CDH20: variants seen among roughly 807,000 people sequenced by gnomAD.
CDH20 encodes cadherin-20.
Under a neutral mutation model 74.2 loss-of-function variants are expected in CDH20, and 29 were observed. The ratio of observed to expected loss-of-function variants is 0.39; its 90% CI spans 0.29 to 0.53. CDH20 has a LOEUF of 0.53. Ranked by LOEUF, CDH20 falls within the 20% of genes least tolerant of loss-of-function variation. The pLI is 0.69. For missense variants in CDH20, 988 were observed against 1,048.3 expected, an observed-to-expected ratio of 0.94 and a Z score of 0.79; for synonymous variants, 469 against 405.4, an observed-to-expected ratio of 1.16 and a Z score of -1.88.
In CDH20 at chr18:61,536,478, T is replaced by G; in HGVS notation, c.1272-15T>G. 1 of 1,612,618 alleles carries G rather than the reference T, an allele frequency of 6.2e-7. No individual in the cohort carries two copies. The highest frequency in any genetic ancestry group is 8.5e-7 in the Non-Finnish European group (1 of 1,178,776). Reference sequence around the variant, plus strand: ...ACCCAAATGCAAATGATGTACGTAATCCATGTTTCTGCAGATACTCCATTG... The same window carrying G: ...ACCCAAATGCAAATGATGTACGTAAGCCATGTTTCTGCAGATACTCCATTG... On this transcript the variant is annotated splice_polypyrimidine_tract_variant and intron_variant, in intron 7 of 11. Transcript: ENST00000262717.
chr18:61,476,668 T>C (rs978489001), intron 1 of CDH20, among the ~76,000 whole-genome samples: 2 of 152,152 alleles, frequency 1.3e-5, no homozygotes, highest in African/African-American at 4.8e-5. Flanking sequence ...GTCTAGTTGG[T>C]TACCTTGATA....
intron 1 of CDH20, among the ~76,000 whole-genome samples, chr18:61,379,192 G>C (rs1253009784): frequency 6.6e-6 from 1 of 152,178 alleles, no homozygotes; most frequent in African/African-American, 2.4e-5. Context: ...CCGCAGAAGA[G>C]TGGCTCTCTT....
intron 1 of CDH20, among the ~76,000 whole-genome samples, chr18:61,406,993 T>C (rs906029771): frequency 1.3e-5 from 2 of 152,192 alleles, no homozygotes; most frequent in African/African-American, 4.8e-5. Context: ...AAAAGACATC[T>C]CATCCTTTTA....
intron 5 of CDH20, among the ~76,000 whole-genome samples, chr18:61,504,636 G>A (rs1390877402): frequency 4.6e-5 from 7 of 152,124 alleles, no homozygotes; most frequent in African/African-American, 7.2e-5. Context: ...AGGAAGCAGC[G>A]GGAGAAATGA....
At chr18:61,538,812 G>A (rs1301730927) in intron 8 of CDH20, among the ~76,000 whole-genome samples, 2 of 151,460 alleles carry the variant, frequency 1.3e-5, no homozygotes, top group Non-Finnish European at 2.9e-5. Flanking sequence ...CAGAGATGGA[G>A]TTTCACTCCG....
chr18:61,460,149 C>T (rs956503251), intron 1 of CDH20, among the ~76,000 whole-genome samples: 1 of 152,020 alleles, frequency 6.6e-6, no homozygotes, highest in Non-Finnish European at 1.5e-5. Flanking sequence ...ATTTGGCAGG[C>T]GGGAAGCAAG....
At chr18:61,368,759 C>T (rs549884542) in intron 1 of CDH20, among the ~76,000 whole-genome samples, 1 of 150,194 alleles carries the variant, frequency 6.7e-6, no homozygotes, top group South Asian at 2.1e-4. Context: ...AAGAAGAAGA[C>T]AGACATTTTC....
intron 1 of CDH20, chr18:61,404,788 A>T (rs1052725821): frequency 2.2e-5 from 7 of 325,550 alleles, no homozygotes; most frequent in Middle Eastern, 8.3e-4. Context: ...ATTAAAAAAA[A>T]ATTGTCAACT....
intron 1 of CDH20, among the ~76,000 whole-genome samples, chr18:61,411,477 C>T (rs952799435): frequency 6.6e-6 from 1 of 151,988 alleles, no homozygotes; most frequent in Non-Finnish European, 1.5e-5. Flanking sequence ...CAGCACAATT[C>T]GCAATTGCAA....
chr18:61,385,057 C>T (rs78733944), intron 1 of CDH20, among the ~76,000 whole-genome samples: 5,758 of 152,184 alleles, frequency 0.038, 148 homozygotes, highest in South Asian at 0.069. Context: ...TAATAATTAA[C>T]GTTTAGAAAC....
At chr18:61,357,126 C>T in intron 1 of CDH20, among the ~76,000 whole-genome samples, 1 of 152,186 alleles carries the variant, frequency 6.6e-6, no homozygotes, top group Non-Finnish European at 1.5e-5. Context: ...TGCCTCCCTG[C>T]TGTCTCATTT....
chr18:61,356,119 T>C (rs1910488480), intron 1 of CDH20, among the ~76,000 whole-genome samples: 1 of 152,226 alleles, frequency 6.6e-6, no homozygotes. Flanking sequence ...TCTCCAGCTT[T>C]AAAATTCTGT....
At position 61,536,640 on chromosome 18, in the gene CDH20, C is replaced by T. The variant is rs1213507969; in HGVS notation, c.1408+11C>T. The stretch of plus-strand genomic sequence containing the variant: ...TTGCTATGGAAATGAGTAAGTAGCA[C>T]AGTAAGTTGGTCTCCATGCAGTGAC... On this transcript the variant is annotated intron_variant, in intron 8 of 11. Transcript: ENST00000262717. The T allele has an allele frequency of 6.2e-7, 1 of 1,612,336 alleles. No individual in the cohort carries two copies. The highest frequency in any genetic ancestry group is 1.3e-5 in the African/African-American group (1 of 74,846).
intron 1 of CDH20, among the ~76,000 whole-genome samples, chr18:61,451,379 CTA>C (rs1437780635): frequency 2.6e-5 from 4 of 151,936 alleles, no homozygotes; most frequent in Non-Finnish European, 5.9e-5. Context: ...TAATTATTTG[CTA>C]TTATCTATGC....
At chr18:61,362,457 C>A (rs995042352) in intron 1 of CDH20, among the ~76,000 whole-genome samples, 10 of 152,060 alleles carry the variant, frequency 6.6e-5, no homozygotes, top group Non-Finnish European at 1.2e-4. Flanking sequence ...CGTGATGCAC[C>A]AAGGGCTCTC....
intron 5 of CDH20, 69 bp from the exon 6 acceptor site, chr18:61,507,304 A>T: frequency 7.1e-7 from 1 of 1,409,068 alleles, no homozygotes; most frequent in Non-Finnish European, 9.9e-7. Context: ...CACTCCTGAT[A>T]TGATAATGAT....
Position 61,554,912 on chromosome 18 carries a change from CTTTT to C in CDH20, c.*221_*224del. 2 of 1,373,618 alleles carry C rather than the reference CTTTT, an allele frequency of 1.5e-6. No individual in the cohort carries two copies. Among genetic ancestry groups the C allele is most frequent in the African/African-American group, 1.4e-5 (1 of 69,280 alleles). The allele number at this position is 1,373,618 out of a possible 1,614,324, so 85.1% of individuals were successfully genotyped here. On this transcript the variant is annotated 3_prime_UTR_variant, in exon 12 of 12. Transcript: ENST00000262717. Reference sequence around the variant, plus strand: ...GGAAGAGGGCAGAATCTTTAATTACCTTTTTTTCTTTTCTTTTTGATTTTTCTGA... The same window carrying C: ...GGAAGAGGGCAGAATCTTTAATTACCTTTCTTTTCTTTTTGATTTTTCTGA...
At chr18:61,539,538 A>G (rs1409582064) in intron 9 of CDH20, among the ~76,000 whole-genome samples, 1 of 152,196 alleles carries the variant, frequency 6.6e-6, no homozygotes, top group Non-Finnish European at 1.5e-5. Flanking sequence ...ATGGCCGTAT[A>G]AGGTATGTGT....
At chr18:61,418,511 G>T (rs558675694) in intron 1 of CDH20, among the ~76,000 whole-genome samples, 1 of 131,538 alleles carries the variant, frequency 7.6e-6, no homozygotes, top group Admixed American at 8.9e-5. Flanking sequence ...CCAAGATCGC[G>T]CCACTGCACT....
Sources: gnomAD v4.1 joint callset for allele counts (sites outside exome capture counted in the v4.1 genomes callset) on GRCh38, gnomAD v4.1.1 for gene constraint, MANE v1.5 for transcripts, NCBI Gene and HGNC (gene_info 2026-07-23, HGNC 2026-07-21) for gene names.